The following LANCL3 variants were observed in gnomAD, a reference collection of about 807,000 sequenced individuals.
LANCL3 encodes the protein LanC like family member 3.
LANCL3 carries 19 observed loss-of-function variants against 26.5 expected under a neutral mutation model. That is an observed-to-expected ratio of 0.72 (90% confidence interval 0.50 to 1.05). The LOEUF (loss-of-function observed/expected upper bound fraction) is 1.05. LANCL3 is among the 50% of genes least tolerant of loss of function. The probability of loss-of-function intolerance (pLI) is 0.00; values close to 1 mark genes in which losing one functional copy is unlikely to be tolerated. For synonymous variants in LANCL3, 160 were observed against 166.6 expected, an observed-to-expected ratio of 0.96 and a Z score of 0.30; for missense variants, 318 against 362.7, an observed-to-expected ratio of 0.88 and a Z score of 1.00.
chrX:37,584,065 G>C lies in LANCL3; in HGVS notation c.573+11622G>C, dbSNP rs192389474. Among the ~76,000 whole-genome samples, 283 of 111,752 alleles carry C rather than the reference G, an allele frequency of 2.5e-3. 2 individuals carry two copies. The highest frequency in any genetic ancestry group is 8.5e-3 in the African/African-American group (261 of 30,601). Reference sequence around the variant, plus strand: ...TTTGTCAAAGGTCTTTTCTGCATCTGTTGAGATAATCGTGTGGTTTTTGTC... The same window carrying C: ...TTTGTCAAAGGTCTTTTCTGCATCTCTTGAGATAATCGTGTGGTTTTTGTC... On this transcript the variant is annotated intron_variant, in intron 1 of 4. Transcript: ENST00000378619.
intron 1 of LANCL3, among the ~76,000 whole-genome samples, chrX:37,627,059 A>G (rs1230103244): frequency 8.9e-6 from 1 of 112,056 alleles, no homozygotes; most frequent in Non-Finnish European, 1.9e-5. Context: ...GATTTTCTAT[A>G]GAAAAAATGA....
chrX:37,619,877 C>A (rs1925107617), intron 1 of LANCL3, among the ~76,000 whole-genome samples: 1 of 111,989 alleles, frequency 8.9e-6, no homozygotes. Context: ...TTATTTGCAT[C>A]ATCAACTATT....
intron 1 of LANCL3, among the ~76,000 whole-genome samples, chrX:37,655,163 G>T (rs782555644): frequency 3.6e-5 from 4 of 112,484 alleles, no homozygotes; most frequent in African/African-American, 9.7e-5. Flanking sequence ...TTGGACTTTG[G>T]TTTCATTCAG....
intron 1 of LANCL3, among the ~76,000 whole-genome samples, chrX:37,641,388 G>C (rs782810103): frequency 1.5e-4 from 16 of 109,779 alleles, no homozygotes; most frequent in Non-Finnish European, 2.8e-4. Context: ...GCCATATTAC[G>C]ACAAAGCTAG....
chrX:37,629,017 C>G (rs12390224), intron 1 of LANCL3, among the ~76,000 whole-genome samples: 8 of 105,752 alleles, frequency 7.6e-5, no homozygotes, highest in African/African-American at 2.8e-4. Flanking sequence ...CCTGAGGAAT[C>G]GCCACACTGA....
intron 1 of LANCL3, among the ~76,000 whole-genome samples, chrX:37,631,596 G>A (rs1382280838): frequency 9.0e-6 from 1 of 110,582 alleles, no homozygotes; most frequent in Non-Finnish European, 1.9e-5. Context: ...TTTAGTCCTC[G>A]AAATTTCCCT....
At position 37,677,699 on chromosome X, in the gene LANCL3, G is replaced by A. The variant is rs1926849665; in HGVS notation, c.*1886G>A. On this transcript the variant is annotated 3_prime_UTR_variant, in exon 5 of 5. Coordinates refer to ENST00000378619, the MANE Select transcript of LANCL3 (RefSeq NM_001170331.2). The stretch of plus-strand genomic sequence containing the variant: ...ACCATCCTATATACAGAGCTTTATG[G>A]AACACATGCAGTTTTTATCGTCCAA... The A allele has an allele frequency of 9.0e-6, 1 of 111,552 alleles. No homozygotes were observed. The allele number at this position is 111,552 out of a possible 1,213,427, so 9.2% of individuals were successfully genotyped here.
chrX:37,603,075 G>T lies in LANCL3; in HGVS notation c.573+30632G>T, dbSNP rs782240884. Among the ~76,000 whole-genome samples, 23 of 112,230 alleles carry T rather than the reference G, an allele frequency of 2.0e-4. 1 individual carries two copies. Among genetic ancestry groups the T allele is most frequent in the African/African-American group, 4.2e-4 (13 of 30,939 alleles). On this transcript the variant is annotated intron_variant, in intron 1 of 4. Transcript: ENST00000378619. ...TTTACAGATTCCTATAGGAAGTCTG[G>T]CAGGGAATGTCAATTGTGAAAAGAT...
Position 37,651,853 on chromosome X carries a change from T to C in LANCL3, c.574-3835T>C, listed in dbSNP as rs782470968. Among the ~76,000 whole-genome samples, 11 of 110,371 alleles carry C rather than the reference T, an allele frequency of 1.0e-4. No homozygotes were observed. In the South Asian group the frequency reaches 4.4e-3, roughly 44 times the overall value. The stretch of plus-strand genomic sequence containing the variant: ...ACCTATGAGTGAGAACATGTGGTGT[T>C]TGGTCAGTCTCCTTTCACTCTCACT... On this transcript the variant is annotated intron_variant, in intron 1 of 4. Coordinates refer to ENST00000378619, the MANE Select transcript of LANCL3 (RefSeq NM_001170331.2).
intron 3 of LANCL3, among the ~76,000 whole-genome samples, chrX:37,666,677 A>G (rs981652693): frequency 1.8e-4 from 20 of 111,892 alleles, no homozygotes; most frequent in Non-Finnish European, 3.0e-4. Flanking sequence ...AGAGCTTTGA[A>G]GGAACAGTTC....
At chrX:37,661,329 T>C (rs1926417817) in intron 3 of LANCL3, among the ~76,000 whole-genome samples, 1 of 112,049 alleles carries the variant, frequency 8.9e-6, no homozygotes, top group African/African-American at 3.3e-5. Context: ...TCTGTCTTTG[T>C]AAATCATTTA....
chrX:37,601,090 G>T (rs1474495297), intron 1 of LANCL3, among the ~76,000 whole-genome samples: 1 of 111,866 alleles, frequency 8.9e-6, no homozygotes, highest in Non-Finnish European at 1.9e-5. Context: ...GCTGTTTGGT[G>T]GGGGAAGAGT....
chrX:37,633,909 C>T (rs1238595110), intron 1 of LANCL3, among the ~76,000 whole-genome samples: 2 of 112,287 alleles, frequency 1.8e-5, no homozygotes, highest in Non-Finnish European at 3.8e-5. Context: ...GAGGCAGTCT[C>T]CCCATTCTCA....
chrX:37,623,192 G>A (rs782517599), intron 1 of LANCL3, among the ~76,000 whole-genome samples: 30 of 111,713 alleles, frequency 2.7e-4, no homozygotes, highest in Admixed American at 1.7e-3. Flanking sequence ...GAATGTTGTG[G>A]ATTTATTTAC....
chrX:37,618,312 T>TAAAACAGTAGTTGAGGA (rs1556421913), intron 1 of LANCL3, among the ~76,000 whole-genome samples: 1 of 112,364 alleles, frequency 8.9e-6, no homozygotes, highest in African/African-American at 3.2e-5. Context: ...ACTGAATTGC[T>TAAAACAGTAGTTGAGGA]AAAACAGTAG....
Position 37,644,979 on chromosome X carries a change from C to T in LANCL3, c.574-10709C>T, listed in dbSNP as rs958905045. Among the ~76,000 whole-genome samples, 148 of 112,098 alleles carry T rather than the reference C, an allele frequency of 1.3e-3. 3 individuals are homozygous for T. The highest frequency in any genetic ancestry group is 5.1e-4 in the Non-Finnish European group (27 of 53,202). ...GGGAACTGCTTTTTCATAAGAGTCTCATTATTACCTGAGGAGATAGGTGGG... is the reference window on the plus strand; with the variant it reads ...GGGAACTGCTTTTTCATAAGAGTCTTATTATTACCTGAGGAGATAGGTGGG... On this transcript the variant is annotated intron_variant, in intron 1 of 4. Coordinates refer to ENST00000378619, the MANE Select transcript of LANCL3 (RefSeq NM_001170331.2).
intron 1 of LANCL3, among the ~76,000 whole-genome samples, chrX:37,587,668 G>C (rs1397721182): frequency 3.5e-5 from 4 of 112,683 alleles, no homozygotes; most frequent in Non-Finnish European, 7.5e-5. Flanking sequence ...GGGTGGGAGT[G>C]ACCCGGTTTT....
intron 1 of LANCL3, among the ~76,000 whole-genome samples, chrX:37,587,614 C>T (rs1924139444): frequency 1.8e-5 from 2 of 113,013 alleles, no homozygotes; most frequent in South Asian, 7.2e-4. Flanking sequence ...GATATAATCT[C>T]CTGGTGTGCC....
chrX:37,611,904 CTTTTATTTTA>C (rs1198370027), intron 1 of LANCL3, among the ~76,000 whole-genome samples: 1 of 110,905 alleles, frequency 9.0e-6, no homozygotes, highest in Non-Finnish European at 1.9e-5. Flanking sequence ...AATAATGTAC[CTTTTATTTTA>C]TTTTATTTTA....
Sources: allele counts gnomAD v4.1 joint callset (sites outside exome capture counted in the v4.1 genomes callset), GRCh38; gene constraint gnomAD v4.1.1; transcripts MANE v1.5; gene names NCBI Gene and HGNC (gene_info 2026-07-23, HGNC 2026-07-21).